The following KANK3 variants were observed in gnomAD, a reference collection of about 807,000 sequenced individuals.
The protein encoded by KANK3 is KN motif and ankyrin repeat domains 3.
A neutral mutation model predicts 65.4 loss-of-function variants in KANK3; 61 were observed. The ratio of observed to expected loss-of-function variants is 0.93; its 90% CI spans 0.76 to 1.15. The LOEUF (loss-of-function observed/expected upper bound fraction) is 1.15, where lower values mean the gene tolerates loss of function less well. KANK3 is among the 50% of genes most tolerant of loss of function. The pLI, the probability that KANK3 is intolerant of heterozygous loss-of-function variation, is 0.00. For synonymous variants in KANK3, 586 were observed against 543.3 expected, an observed-to-expected ratio of 1.08 and a Z score of -1.09; for missense variants, 1,187 against 1,178.8, an observed-to-expected ratio of 1.01 and a Z score of -0.10.
chr19:8,338,668 G>A (rs1297233499), intron 1 of KANK3, among the ~76,000 whole-genome samples: 3 of 151,824 alleles, frequency 2.0e-5, no homozygotes, highest in East Asian at 3.9e-4. Context: ...GAGGTCAGGA[G>A]ATCGAGACCA....
intron 7 of KANK3, among the ~76,000 whole-genome samples, chr19:8,325,509 G>C: frequency 6.6e-6 from 1 of 151,472 alleles, no homozygotes. Flanking sequence ...CTGACCTCAA[G>C]TGATCCACCC....
At chr19:8,323,719 G>A (rs1568568682) in intron 10 of KANK3, among the ~76,000 whole-genome samples, 1 of 152,144 alleles carries the variant, frequency 6.6e-6, no homozygotes. Flanking sequence ...GGTGACAGAG[G>A]AAGACTCCAT....
intron 2 of KANK3, among the ~76,000 whole-genome samples, chr19:8,337,485 G>A (rs1368817352): frequency 6.6e-6 from 1 of 152,048 alleles, no homozygotes; most frequent in Non-Finnish European, 1.5e-5. Flanking sequence ...ACAGGCATGA[G>A]TCACCACACC....
rs1296816452 is a variant in KANK3, at chr19:8,335,325, TGCTGCGGCCGGACCCGCGTGG to T, written c.481_501del (p.Pro161_Ser167del). The stretch of plus-strand genomic sequence containing the variant: ...GCAGGGGCAAGGTTAGGGGCGGGGC[TGCTGCGGCCGGACCCGCGTGG>T]GCTGCGCGGGACCCCGCGGCCGGGG... On this transcript the variant is annotated inframe_deletion, in exon 3 of 11. Transcript: ENST00000330915. 1 of 1,194,896 alleles carries T rather than the reference TGCTGCGGCCGGACCCGCGTGG, an allele frequency of 8.4e-7. No individual in the cohort carries two copies. Among genetic ancestry groups the T allele is most frequent in the Admixed American group, 4.5e-5 (1 of 22,226 alleles). The allele number at this position is 1,194,896 out of a possible 1,614,324, so 74.0% of individuals were successfully genotyped here.
chr19:8,325,999 G>C (rs1970421032), intron 7 of KANK3, among the ~76,000 whole-genome samples: 1 of 151,984 alleles, frequency 6.6e-6, no homozygotes, highest in Non-Finnish European at 1.5e-5. Context: ...GCTAATTTTT[G>C]TATTTTTAGT....
chr19:8,333,905 C>A lies in KANK3; in HGVS notation c.1634+5G>T. 1 of 1,577,852 alleles carries A rather than the reference C, an allele frequency of 6.3e-7. No homozygotes were observed. The highest frequency in any genetic ancestry group is 2.4e-5 in the East Asian group (1 of 42,484). On this transcript the variant is annotated splice_donor_5th_base_variant and intron_variant, in intron 5 of 10. Transcript: ENST00000330915. The surrounding 1 kb of genome is among the most constrained non-coding windows in gnomAD (Gnocchi z 5.0). ...CTCTCCAAACAACTAGCGAGCGCCG[C>A]TCACCTCCCCTGTGCCACCTGCTGA... is the stretch of plus-strand genomic sequence containing the variant.
intron 7 of KANK3, among the ~76,000 whole-genome samples, chr19:8,331,153 C>T (rs1225784495): frequency 1.3e-5 from 2 of 151,720 alleles, no homozygotes; most frequent in Admixed American, 1.3e-4. Context: ...AGAGATCATG[C>T]CACTGCACTC....
intron 7 of KANK3, among the ~76,000 whole-genome samples, chr19:8,331,008 C>A (rs1336101038): frequency 1.3e-5 from 2 of 151,796 alleles, no homozygotes; most frequent in African/African-American, 2.4e-5. Context: ...GCCTGGCCAA[C>A]ATGTTGAAAC....
intron 7 of KANK3, among the ~76,000 whole-genome samples, chr19:8,332,291 C>T (rs1023307539): frequency 6.6e-6 from 1 of 151,968 alleles, no homozygotes; most frequent in Non-Finnish European, 1.5e-5. Flanking sequence ...AATTCTCGTG[C>T]CTCAGCCTCC....
Position 8,335,055 on chromosome 19 carries a change from C to T in KANK3, c.772G>A (p.Glu258Lys). Residue 258 changes from glutamate (E) to lysine (K), a missense_variant, in exon 3 of 11, where the codon GAG (glutamate) becomes AAG (lysine). Physicochemically the swap from Glu to Lys is moderately conservative, Grantham distance 56. This residue lies in a region of KANK3 where 1,078 missense variants were observed against 1,038.2 expected (regional missense o/e 1.04). Coordinates refer to ENST00000330915, the MANE Select transcript of KANK3 (RefSeq NM_198471.3). ...CTGGCCCTGGCACGGCCGCCGCGCT[C>T]GGAGGTGGCCAGGCGCTCGGTGAGC... The part of the protein sequence containing the change: ...RRLTERLATS[E>K]RGGRARASPR... 2 of 1,343,572 alleles carry T rather than the reference C, an allele frequency of 1.5e-6. No homozygotes were observed. The highest frequency in any genetic ancestry group is 1.9e-5 in the South Asian group (1 of 54,028). The allele number at this position is 1,343,572 out of a possible 1,614,324, so 83.2% of individuals were successfully genotyped here.
At chr19:8,340,561 C>A (rs995690165) in intron 1 of KANK3, among the ~76,000 whole-genome samples, 1 of 152,260 alleles carries the variant, frequency 6.6e-6, no homozygotes, top group Admixed American at 6.5e-5. Flanking sequence ...CCCTGGGCCA[C>A]GGCCCGTCTG....
chr19:8,333,799 C>T lies in KANK3; in HGVS notation c.1644G>A (p.Leu548=), dbSNP rs767991428. The change falls in exon 6 of 11, where the codon CTG becomes CTA. Residue 548 remains leucine, a synonymous_variant. Coordinates refer to ENST00000330915, the MANE Select transcript of KANK3 (RefSeq NM_198471.3). This position sits in a 1 kb window ranked among gnomAD's most constrained non-coding sequence, Gnocchi z 5.0. ...CGCACGCCTCCCTCAGACGCGGGCTCAGCTCGCACCTGCAGAGGAGGCCAG... is the reference window on the plus strand; with the variant it reads ...CGCACGCCTCCCTCAGACGCGGGCTTAGCTCGCACCTGCAGAGGAGGCCAG... ...PQQVAQGRCE[L]SPRLREACVA... The T allele has an allele frequency of 2.0e-6, 3 of 1,532,756 alleles. No individual in the cohort carries two copies. The highest frequency in any genetic ancestry group is 2.6e-6 in the Non-Finnish European group (3 of 1,136,966). 94.9% of individuals were successfully genotyped at this position (1,532,756 alleles called of 1,614,324 possible).
rs1970669184 is a variant in KANK3 at position 8,337,859 on chromosome 19, G to C, written c.-28-3C>G. 1 of 1,613,008 alleles carries C rather than the reference G, an allele frequency of 6.2e-7. No homozygotes were observed. The highest frequency in any genetic ancestry group is 1.3e-5 in the African/African-American group (1 of 74,892). On this transcript the variant is annotated splice_region_variant and splice_polypyrimidine_tract_variant and intron_variant, in intron 1 of 10. Transcript: ENST00000330915. ...CTGCAGCAGCTGTCAGAGGCACCCTGCAAAAGGGGTGAAGGTGGGGCTGGG... is the reference window on the plus strand; with the variant it reads ...CTGCAGCAGCTGTCAGAGGCACCCTCCAAAAGGGGTGAAGGTGGGGCTGGG...
chr19:8,324,342 T>C (rs939690221), intron 10 of KANK3, 107 bp downstream of exon 10: 93 of 1,006,046 alleles, frequency 9.2e-5, no homozygotes, highest in Non-Finnish European at 1.0e-5. Flanking sequence ...TCTGCACCCC[T>C]GGTGCCACCT....
At position 8,333,044 on chromosome 19, in the gene KANK3, G is replaced by A. The variant is rs1156382714; in HGVS notation, c.1906C>T (p.Leu636=). Residue 636 remains leucine (L), a synonymous_variant, in exon 7 of 11, where the codon CTG becomes TTG. Coordinates refer to ENST00000330915, the MANE Select transcript of KANK3 (RefSeq NM_198471.3). This position sits in a 1 kb window ranked among gnomAD's most constrained non-coding sequence, Gnocchi z 5.0. ...TCCAGGAGCAGGCTTGCGATGGCCA[G>A]GTTCCCGTGGGACACACTGTAGTGC... ...ALHYSVSHGN[L]AIASLLLDTG... is the part of the protein sequence containing the mutation. 16 of 1,483,600 alleles carry A rather than the reference G, an allele frequency of 1.1e-5. No homozygotes were observed. Among genetic ancestry groups the A allele is most frequent in the Non-Finnish European group, 1.5e-5 (16 of 1,102,474 alleles). The allele number at this position is 1,483,600 out of a possible 1,614,324, so 91.9% of individuals were successfully genotyped here. A position where few individuals can be genotyped will look rare whatever the true frequency, so the allele number is the denominator to read the frequency against.
At chr19:8,334,169 G>A (rs1433814021) in intron 4 of KANK3, 53 bp from the exon 5 acceptor site, 1 of 1,489,766 alleles carries the variant, frequency 6.7e-7, no homozygotes, top group Non-Finnish European at 8.9e-7. Flanking sequence ...GCTCGTTCTG[G>A]AGTCCTGCGA....
At chr19:8,329,325 G>GA (rs1027361255) in intron 7 of KANK3, among the ~76,000 whole-genome samples, 5 of 148,138 alleles carry the variant, frequency 3.4e-5, no homozygotes, top group Admixed American at 2.0e-4. Context: ...CGTCTCTACT[G>GA]AAAATACAAA....
In KANK3 at chr19:8,322,606, A is replaced by G; in HGVS notation, c.*233T>C. The G allele has an allele frequency of 1.8e-6, 1 of 569,918 alleles. No individual in the cohort carries two copies. The highest frequency in any genetic ancestry group is 2.0e-5 in the South Asian group (1 of 49,172). The allele number at this position is 569,918 out of a possible 1,614,324, so 35.3% of individuals were successfully genotyped here. A position where few individuals can be genotyped will look rare whatever the true frequency, so the allele number is the denominator to read the frequency against. ...GCGTAGTAGGAATGTTTTATTAGCA[A>G]AGAAGTTTCAGAGAGTGGGTGGATC... On this transcript the variant is annotated 3_prime_UTR_variant, in exon 11 of 11. Coordinates refer to ENST00000330915, the MANE Select transcript of KANK3 (RefSeq NM_198471.3).
chr19:8,339,100 G>T (rs1282799585), intron 1 of KANK3, among the ~76,000 whole-genome samples: 1 of 152,124 alleles, frequency 6.6e-6, no homozygotes, highest in African/African-American at 2.4e-5. Context: ...AAAACACCTG[G>T]GTTGTCAGAG....
Sources: gnomAD v4.1 joint callset for allele counts (sites outside exome capture counted in the v4.1 genomes callset) on GRCh38, gnomAD v4.1.1 for gene constraint, gnomAD v4.1.1 regional missense constraint, Gnocchi (gnomAD v3.1) non-coding constraint, MANE v1.5 for transcripts, NCBI Gene and HGNC (gene_info 2026-07-23, HGNC 2026-07-21) for gene names.